MUSK: variants seen among roughly 807,000 people sequenced by gnomAD.
MUSK encodes the protein muscle, skeletal receptor tyrosine-protein kinase.
In MUSK, 55 loss-of-function variants were observed where a neutral mutation model predicts 88.7. The observed-to-expected ratio is 0.62, with a 90% CI of 0.50 to 0.78. MUSK has a LOEUF of 0.78. MUSK is among the 30% of genes least tolerant of loss of function. The pLI, the probability that MUSK is intolerant of heterozygous loss-of-function variation, is 0.00. For synonymous variants in MUSK, 387 were observed against 391.9 expected (o/e 0.99, Z 0.15); for missense variants, 1,015 against 1,074.3 (o/e 0.94, Z 0.77).
chr9:110,690,037 ATAAG>A (rs2076301641), intron 3 of MUSK, among the ~76,000 whole-genome samples: 2 of 93,980 alleles, frequency 2.1e-5, no homozygotes, highest in Non-Finnish European at 3.7e-5. Flanking sequence ...ATATATTAAT[ATAAG>A]TATAAATATA....
intron 13 of MUSK, among the ~76,000 whole-genome samples, chr9:110,787,158 T>C (rs1182403996): frequency 2.6e-5 from 4 of 152,110 alleles, no homozygotes; most frequent in South Asian, 4.2e-4. Context: ...GTCAGGAGAT[T>C]GAGACCATCC....
intron 1 of MUSK, among the ~76,000 whole-genome samples, chr9:110,674,071 C>G (rs186448873): frequency 2.4e-4 from 36 of 151,906 alleles, no homozygotes; most frequent in Admixed American, 2.2e-3. Context: ...TAATATTCAC[C>G]TCACTGAGAA....
chr9:110,729,580 T>G (rs926571878), intron 5 of MUSK, among the ~76,000 whole-genome samples: 1 of 151,976 alleles, frequency 6.6e-6, no homozygotes, highest in African/African-American at 2.4e-5. Context: ...TGCTTACAAT[T>G]AAATACAGGT....
At chr9:110,696,383 T>A (rs764257391) in intron 4 of MUSK, among the ~76,000 whole-genome samples, 1 of 152,198 alleles carries the variant, frequency 6.6e-6, no homozygotes, top group Non-Finnish European at 1.5e-5. Flanking sequence ...TGTCTTTCCA[T>A]CTTTATATCA....
At chr9:110,694,234 A>G (rs1814670754) in intron 3 of MUSK, among the ~76,000 whole-genome samples, 1 of 149,954 alleles carries the variant, frequency 6.7e-6, no homozygotes, top group South Asian at 2.1e-4. Flanking sequence ...AAAAAAAAAA[A>G]AATTAGCCGG....
At chr9:110,703,506 G>T (rs897709865) in intron 5 of MUSK, among the ~76,000 whole-genome samples, 4 of 151,722 alleles carry the variant, frequency 2.6e-5, no homozygotes, top group African/African-American at 4.8e-5. Flanking sequence ...CTCCAGCCTG[G>T]GCAACAGAGT....
At chr9:110,682,289 C>T (rs2076144393) in intron 1 of MUSK, among the ~76,000 whole-genome samples, 1 of 151,990 alleles carries the variant, frequency 6.6e-6, no homozygotes, top group Non-Finnish European at 1.5e-5. Flanking sequence ...TATCCTTTTC[C>T]ACCCTGACTT....
intron 9 of MUSK, among the ~76,000 whole-genome samples, chr9:110,773,718 G>A (rs543892937): frequency 2.0e-5 from 3 of 152,172 alleles, no homozygotes; most frequent in African/African-American, 7.2e-5. Flanking sequence ...ACAAGTGTTA[G>A]CTTTTGCGTT....
intron 14 of MUSK, among the ~76,000 whole-genome samples, chr9:110,789,453 C>G (rs918625239): frequency 6.6e-5 from 10 of 152,118 alleles, no homozygotes; most frequent in African/African-American, 2.4e-4. Flanking sequence ...GGAACAGGTT[C>G]CTTTAGTGGA....
At chr9:110,689,764 T>TATATTTAA (rs2076282171) in intron 3 of MUSK, among the ~76,000 whole-genome samples, 1 of 65,310 alleles carries the variant, frequency 1.5e-5, no homozygotes, top group African/African-American at 7.8e-5. Flanking sequence ...ATATAAACTA[T>TATATTTAA]ATATATCACA....
chr9:110,721,393 T>A (rs183798055), intron 5 of MUSK, among the ~76,000 whole-genome samples: 1 of 152,210 alleles, frequency 6.6e-6, no homozygotes, highest in Non-Finnish European at 1.5e-5. Flanking sequence ...TCAGCAAAGT[T>A]TCAGGATACA....
chr9:110,685,641 A>T (rs879554176), intron 2 of MUSK, among the ~76,000 whole-genome samples: 1 of 152,146 alleles, frequency 6.6e-6, no homozygotes, highest in Non-Finnish European at 1.5e-5. Flanking sequence ...TTTTCCCAGT[A>T]GCATGCTCCT....
At chr9:110,701,685 CTTTACTTT>C (rs1564230324) in intron 5 of MUSK, among the ~76,000 whole-genome samples, 4 of 3,276 alleles carry the variant, frequency 1.2e-3, no homozygotes, top group Non-Finnish European at 2.5e-3. Context: ...ATTTTTTTTA[CTTTACTTT>C]ATTTTATTTT....
intron 5 of MUSK, among the ~76,000 whole-genome samples, chr9:110,730,040 T>C (rs933568204): frequency 6.6e-6 from 1 of 152,006 alleles, no homozygotes; most frequent in Non-Finnish European, 1.5e-5. Flanking sequence ...AGAGAGAATA[T>C]AATGTGGGTA....
At chr9:110,708,881 C>T (rs1015715950) in intron 5 of MUSK, among the ~76,000 whole-genome samples, 2 of 152,076 alleles carry the variant, frequency 1.3e-5, no homozygotes, top group Non-Finnish European at 2.9e-5. Context: ...ATAATGTTGA[C>T]ATTATATTAT....
chr9:110,696,919 T>C (rs1213661050), intron 4 of MUSK, among the ~76,000 whole-genome samples: 1 of 151,754 alleles, frequency 6.6e-6, no homozygotes, highest in Non-Finnish European at 1.5e-5. Flanking sequence ...TTATACCCAG[T>C]ATATAGTTTT....
intron 14 of MUSK, among the ~76,000 whole-genome samples, chr9:110,790,464 A>G (rs2132043333): frequency 6.6e-6 from 1 of 152,354 alleles, no homozygotes; most frequent in South Asian, 2.1e-4. Flanking sequence ...AAAGAGAAAA[A>G]TTGATGACAG....
At chr9:110,681,789 C>T (rs78429111) in intron 1 of MUSK, among the ~76,000 whole-genome samples, 21,622 of 151,888 alleles carry the variant, frequency 0.14, 1,946 homozygotes, top group East Asian at 0.23. Context: ...GGCCAAACAA[C>T]GTGCCAGTCT....
At chr9:110,733,963 A>T (rs2076996183) in intron 5 of MUSK, among the ~76,000 whole-genome samples, 1 of 152,084 alleles carries the variant, frequency 6.6e-6, no homozygotes, top group African/African-American at 2.4e-5. Flanking sequence ...GATTCAAGGA[A>T]CCTACTACTT....
Sources: gnomAD v4.1 joint callset for allele counts (sites outside exome capture counted in the v4.1 genomes callset) on GRCh38, gnomAD v4.1.1 for gene constraint, MANE v1.5 for transcripts, NCBI Gene and HGNC (gene_info 2026-07-23, HGNC 2026-07-21) for gene names.